TBC1D22A: variants seen among roughly 807,000 people sequenced by gnomAD.
TBC1D22A encodes the protein TBC1 domain family member 22A.
In TBC1D22A, 38 loss-of-function variants were observed where a neutral mutation model predicts 60.2. The observed-to-expected ratio is 0.63, with a 90% CI of 0.49 to 0.83. The LOEUF (loss-of-function observed/expected upper bound fraction) is 0.83, where lower values mean the gene tolerates loss of function less well. TBC1D22A is among the 40% of genes least tolerant of loss of function. The pLI is 0.00. For missense variants in TBC1D22A, 628 were observed against 701.0 expected, an observed-to-expected ratio of 0.90 and a Z score of 1.18; for synonymous variants, 302 against 281.7, an observed-to-expected ratio of 1.07 and a Z score of -0.72.
intron 12 of TBC1D22A, among the ~76,000 whole-genome samples, chr22:47,137,816 G>A (rs1183183450): frequency 6.6e-6 from 1 of 152,126 alleles, no homozygotes; most frequent in Non-Finnish European, 1.5e-5. Flanking sequence ...GTGGGGAGTC[G>A]GGAGTGGAGA....
intron 8 of TBC1D22A, among the ~76,000 whole-genome samples, chr22:46,922,448 T>C (rs1451399657): frequency 1.3e-5 from 2 of 152,228 alleles, no homozygotes; most frequent in African/African-American, 4.8e-5. Flanking sequence ...ATAGTTTTTT[T>C]TCCTAATTCT....
chr22:46,814,772 A>T (rs1419650271), intron 4 of TBC1D22A, among the ~76,000 whole-genome samples: 2 of 150,936 alleles, frequency 1.3e-5, no homozygotes, highest in South Asian at 2.1e-4. Context: ...TCAGCTCCCG[A>T]GTAGCTGGGG....
intron 11 of TBC1D22A, among the ~76,000 whole-genome samples, chr22:47,078,016 A>G (rs985652654): frequency 4.6e-5 from 7 of 152,064 alleles, no homozygotes; most frequent in Non-Finnish European, 7.4e-5. Context: ...AGCATCTTGT[A>G]TTTAGCACTT....
At chr22:46,904,102 T>TCTATCTATCTATCTAA (rs2069218232) in intron 7 of TBC1D22A, among the ~76,000 whole-genome samples, 1 of 50,662 alleles carries the variant, frequency 2.0e-5, no homozygotes, top group Non-Finnish European at 4.0e-5. Context: ...ATAAAATCTA[T>TCTATCTATCTATCTAA]CTATCTATCT....
At chr22:46,906,334 G>A (rs1187990764) in intron 7 of TBC1D22A, among the ~76,000 whole-genome samples, 1 of 152,222 alleles carries the variant, frequency 6.6e-6, no homozygotes, top group East Asian at 1.9e-4. Context: ...CAGAATAAAT[G>A]TTGGGGAGGG....
At chr22:47,126,800 C>T (rs1262779566) in intron 12 of TBC1D22A, among the ~76,000 whole-genome samples, 1 of 152,180 alleles carries the variant, frequency 6.6e-6, no homozygotes, top group Non-Finnish European at 1.5e-5. Flanking sequence ...CCAGGGAAAT[C>T]CCTCCACTGA....
In TBC1D22A at chr22:47,175,560, G is replaced by A. The variant is rs15646; in HGVS notation, c.*1934G>A. On this transcript the variant is annotated 3_prime_UTR_variant, in exon 13 of 13. Transcript: ENST00000337137. Reference sequence around the variant, plus strand: ...TTCAGCCCTGTGTGCATTTCCTCATGTATGTAAACGCCAAGACTGAATGTG... The same window carrying A: ...TTCAGCCCTGTGTGCATTTCCTCATATATGTAAACGCCAAGACTGAATGTG... The A allele has an allele frequency of 0.19, 28,828 of 152,202 alleles. 3,421 individuals carry two copies. Among genetic ancestry groups the A allele is most frequent in the East Asian group, 0.45 (2,350 of 5,178 alleles). The allele number at this position is 152,202 out of a possible 1,614,324, so 9.4% of individuals were successfully genotyped here. A position where few individuals can be genotyped will look rare whatever the true frequency, so the allele number is the denominator to read the frequency against.
At chr22:47,107,538 C>A (rs903909465) in intron 11 of TBC1D22A, among the ~76,000 whole-genome samples, 2 of 152,068 alleles carry the variant, frequency 1.3e-5, no homozygotes, top group African/African-American at 4.8e-5. Flanking sequence ...ATATAATAGA[C>A]CTGTAGTGAG....
intron 12 of TBC1D22A, among the ~76,000 whole-genome samples, chr22:47,133,579 GGCTTTTCGACATTC>G (rs2147122463): frequency 6.6e-6 from 1 of 152,334 alleles, no homozygotes; most frequent in Non-Finnish European, 1.5e-5. Context: ...ATGGGACTGT[GGCTTTTCGACATTC>G]GTTTTTAGGA....
rs542255505 is a variant in TBC1D22A at position 46,792,755 on chromosome 22, G to A, written c.119+179G>A. On this transcript the variant is annotated intron_variant, in intron 2 of 12. Coordinates refer to ENST00000337137, the MANE Select transcript of TBC1D22A (RefSeq NM_014346.5). ...TGAGATACTGTGCACCCCGTGCTGCGCATCCCGGTGAAGACGGCGGATGTG... is the reference window on the plus strand; with the variant it reads ...TGAGATACTGTGCACCCCGTGCTGCACATCCCGGTGAAGACGGCGGATGTG... 149 of 1,482,318 alleles carry A rather than the reference G, an allele frequency of 1.0e-4. 1 individual carries two copies. The highest frequency in any genetic ancestry group is 9.5e-4 in the African/African-American group (68 of 71,798). The allele number at this position is 1,482,318 out of a possible 1,614,324, so 91.8% of individuals were successfully genotyped here.
chr22:46,875,230 A>G (rs146422807), intron 4 of TBC1D22A, among the ~76,000 whole-genome samples: 42 of 152,324 alleles, frequency 2.8e-4, no homozygotes, highest in Admixed American at 2.4e-3. Context: ...AGAATGAACT[A>G]CTGGTACTGG....
rs146644664 is a variant in TBC1D22A at position 47,118,790 on chromosome 22, T to TACACACACAC, written c.1425+7201_1425+7210dup. ...TCCTCTGTGTTAGGAAAGAGGAATTTACACACACACACACACACACACATA... is the reference window on the plus strand; with the variant it reads ...TCCTCTGTGTTAGGAAAGAGGAATTTACACACACACACACACACACACACACACACACATA... On this transcript the variant is annotated intron_variant, in intron 12 of 12. Transcript: ENST00000337137. Among the ~76,000 whole-genome samples, 705 of 125,508 alleles carry TACACACACAC rather than the reference T, an allele frequency of 5.6e-3. 8 individuals are homozygous for TACACACACAC. The highest frequency in any genetic ancestry group is 0.022 in the African/African-American group (679 of 30,856). The allele number at this position is 125,508 out of a possible 152,430, so 82.3% of individuals were successfully genotyped here.
intron 4 of TBC1D22A, among the ~76,000 whole-genome samples, chr22:46,861,428 TGGCTTGCA>T (rs1474375564): frequency 6.6e-6 from 1 of 152,234 alleles, no homozygotes; most frequent in African/African-American, 2.4e-5. Context: ...GTTTTACCAG[TGGCTTGCA>T]GGTTTCTGTC....
At chr22:46,977,450 AT>A (rs1602762993) in intron 9 of TBC1D22A, among the ~76,000 whole-genome samples, 2 of 152,224 alleles carry the variant, frequency 1.3e-5, no homozygotes, top group East Asian at 3.9e-4. Flanking sequence ...GCCTGGTGGG[AT>A]GGAGCAGGGG....
intron 4 of TBC1D22A, among the ~76,000 whole-genome samples, chr22:46,831,453 T>C (rs1014434200): frequency 6.6e-6 from 1 of 152,188 alleles, no homozygotes; most frequent in African/African-American, 2.4e-5. Context: ...GTGGCTTGTG[T>C]GTTCCTTCTC....
intron 9 of TBC1D22A, among the ~76,000 whole-genome samples, chr22:46,976,967 A>AT (rs2074323464): frequency 6.6e-6 from 1 of 152,222 alleles, no homozygotes; most frequent in South Asian, 2.1e-4. Context: ...GGCAGTCCCC[A>AT]TGGGAATGAA....
At chr22:46,815,205 C>T (rs897843727) in intron 4 of TBC1D22A, among the ~76,000 whole-genome samples, 1 of 152,178 alleles carries the variant, frequency 6.6e-6, no homozygotes, top group African/African-American at 2.4e-5. Context: ...TTGAACACTT[C>T]CTTGTGTATT....
chr22:46,989,479 TA>T (rs2074852446), intron 9 of TBC1D22A, among the ~76,000 whole-genome samples: 1 of 152,200 alleles, frequency 6.6e-6, no homozygotes, highest in Non-Finnish European at 1.5e-5. Context: ...ACACTTGACT[TA>T]ACCCATTGTA....
chr22:47,106,362 C>T (rs764003668), intron 11 of TBC1D22A, among the ~76,000 whole-genome samples: 5 of 152,022 alleles, frequency 3.3e-5, no homozygotes, highest in Non-Finnish European at 2.9e-5. Flanking sequence ...ACAAGGAAAC[C>T]GCAAAACATC....
Sources: gnomAD v4.1 joint callset for allele counts (sites outside exome capture counted in the v4.1 genomes callset) on GRCh38, gnomAD v4.1.1 for gene constraint, MANE v1.5 for transcripts, NCBI Gene and HGNC (gene_info 2026-07-23, HGNC 2026-07-21) for gene names.